The following ZIC4 variants were observed in gnomAD, a reference collection of about 807,000 sequenced individuals.
The protein encoded by ZIC4 is zinc finger protein ZIC 4.
A neutral mutation model predicts 28.8 loss-of-function variants in ZIC4; 15 were observed. The ratio of observed to expected loss-of-function variants is 0.52; its 90% CI spans 0.35 to 0.80. The LOEUF (loss-of-function observed/expected upper bound fraction) is 0.80, where lower values mean the gene tolerates loss of function less well. Ranked by LOEUF, ZIC4 falls within the 30% of genes least tolerant of loss-of-function variation. The pLI is 0.01. For missense variants in ZIC4, 512 were observed against 467.1 expected (o/e 1.10, Z -0.89); for synonymous variants, 220 against 198.1 (o/e 1.11, Z -0.93).
rs755850620 is a variant in ZIC4, at chr3:147,391,219, T to C, written c.716A>G (p.Glu239Gly). 1 of 1,601,504 alleles carries C rather than the reference T, an allele frequency of 6.2e-7. No individual in the cohort carries two copies. The highest frequency in any genetic ancestry group is 1.7e-5 in the Admixed American group (1 of 59,624). ...GTTGGCGAAGCGCCGCTCGCAGCCC[T>C]CGAACTCGCATCTGAAGGGCTTCTC... Reference protein sequence around the residue: ...TGEKPFRCEFEGCERRFANSS... With the variant: ...TGEKPFRCEFGGCERRFANSS... Residue 239 changes from glutamate (E) to glycine (G), a missense_variant, in exon 4 of 5, where the codon GAG (glutamate) becomes GGG (glycine). This residue lies in a region of ZIC4 where 58 missense variants were observed against 93.8 expected (regional missense o/e 0.62). Transcript: ENST00000383075.
chr3:147,400,987 G>GA (rs2087154585), intron 2 of ZIC4, among the ~76,000 whole-genome samples: 1 of 152,130 alleles, frequency 6.6e-6, no homozygotes, highest in African/African-American at 2.4e-5. Flanking sequence ...CATTTGTAGA[G>GA]AAAAAGAGTA....
intron 2 of ZIC4, among the ~76,000 whole-genome samples, chr3:147,398,315 C>G (rs1367770552): frequency 6.6e-6 from 1 of 152,208 alleles, no homozygotes; most frequent in African/African-American, 2.4e-5. Flanking sequence ...TCTGCTTCCT[C>G]CTACCTCGTC....
rs150448043 is a variant in ZIC4, at chr3:147,402,869, G to C, written c.-15-57C>G. ...GTTAAACAATTTTACACGTCTGTGT[G>C]GCAACATCCTGTGGTTTGAATGTAT... is the stretch of plus-strand genomic sequence containing the variant. On this transcript the variant is annotated intron_variant, in intron 1 of 4. Transcript: ENST00000383075. The C allele has an allele frequency of 2.6e-3, 3,718 of 1,425,818 alleles. 82 individuals carry two copies. In the Admixed American group the frequency reaches 0.035, roughly 13 times the overall value. The allele number at this position is 1,425,818 out of a possible 1,614,324, so 88.3% of individuals were successfully genotyped here. A position where few individuals can be genotyped will look rare whatever the true frequency, so the allele number is the denominator to read the frequency against.
chr3:147,396,611 A>G lies in ZIC4; in HGVS notation c.71-142T>C. ...GAACTCAGAGCCAGACAGCGCCAGC[A>G]GTGAACCCGGTGGACAGAGCAAGGC... On this transcript the variant is annotated intron_variant, in intron 2 of 4. Transcript: ENST00000383075. The surrounding 1 kb of genome is among the most constrained non-coding windows in gnomAD (Gnocchi z 4.2). 2 of 1,140,094 alleles carry G rather than the reference A, an allele frequency of 1.8e-6. No individual in the cohort carries two copies. 70.6% of individuals were successfully genotyped at this position (1,140,094 alleles called of 1,614,324 possible). A position where few individuals can be genotyped will look rare whatever the true frequency, so the allele number is the denominator to read the frequency against.
chr3:147,395,764 T>A (rs531201335), intron 3 of ZIC4, 88 bp downstream of exon 3: 1 of 1,517,122 alleles, frequency 6.6e-7, no homozygotes, highest in South Asian at 1.3e-5. Context: ...TATTTCCCCC[T>A]CCCCTCAGTT....
intron 1 of ZIC4, chr3:147,405,700 A>C (rs1306180839): frequency 1.7e-6 from 1 of 581,302 alleles, no homozygotes; most frequent in East Asian, 3.0e-5. Context: ...CGCAGAGAGC[A>C]GATCCCAGCA....
intron 3 of ZIC4, 142 bp downstream of exon 3, chr3:147,395,710 T>A: frequency 7.7e-7 from 1 of 1,302,392 alleles, no homozygotes; most frequent in East Asian, 2.3e-5. Flanking sequence ...TAGAAGCGCA[T>A]AATTAATATT....
At chr3:147,399,388 C>A (rs2087117903) in intron 2 of ZIC4, among the ~76,000 whole-genome samples, 1 of 152,198 alleles carries the variant, frequency 6.6e-6, no homozygotes, top group Non-Finnish European at 1.5e-5. Context: ...CTAGGCAACT[C>A]TGGACTGAAT....
At chr3:147,404,078 ATTCCTAC>A in intron 1 of ZIC4, 1 of 1,537,106 alleles carries the variant, frequency 6.5e-7, no homozygotes. Flanking sequence ...CTAACTTTGC[ATTCCTAC>A]AGAAGGGCGG....
intron 2 of ZIC4, among the ~76,000 whole-genome samples, chr3:147,400,292 C>A (rs2087138516): frequency 6.6e-6 from 1 of 152,192 alleles, no homozygotes; most frequent in Non-Finnish European, 1.5e-5. Flanking sequence ...TGCTAGCATA[C>A]TACACACTTT....
intron 3 of ZIC4, among the ~76,000 whole-genome samples, chr3:147,395,193 C>T (rs1257622442): frequency 1.3e-5 from 2 of 152,140 alleles, no homozygotes; most frequent in African/African-American, 4.8e-5. Flanking sequence ...GGCTCTTGAA[C>T]GATACTCCTT....
chr3:147,386,526 G>A lies in ZIC4; in HGVS notation c.*2333C>T, dbSNP rs2086800486. ...TGCAGCAACTATAATAACAGCATGGGTTACAGCTTGGAAAAACTTCTTTAC... is the reference window on the plus strand; with the variant it reads ...TGCAGCAACTATAATAACAGCATGGATTACAGCTTGGAAAAACTTCTTTAC... On this transcript the variant is annotated 3_prime_UTR_variant, in exon 5 of 5. Coordinates refer to ENST00000383075, the MANE Select transcript of ZIC4 (RefSeq NM_032153.6). The A allele has an allele frequency of 6.6e-6, 1 of 152,602 alleles. No homozygotes were observed. Among genetic ancestry groups the A allele is most frequent in the South Asian group, 2.1e-4 (1 of 4,822 alleles). The allele number at this position is 152,602 out of a possible 1,614,324, so 9.5% of individuals were successfully genotyped here. A position where few individuals can be genotyped will look rare whatever the true frequency, so the allele number is the denominator to read the frequency against.
intron 1 of ZIC4, chr3:147,404,328 A>C: frequency 7.6e-7 from 1 of 1,313,270 alleles, no homozygotes; most frequent in Non-Finnish European, 9.7e-7. Context: ...ACCCATAGAC[A>C]TGCAAACAAA....
chr3:147,396,434 C>G lies in ZIC4; in HGVS notation c.106G>C (p.Ala36Pro). The G allele has an allele frequency of 6.6e-7, 1 of 1,520,650 alleles. No homozygotes were observed. Among genetic ancestry groups the G allele is most frequent in the Non-Finnish European group, 8.8e-7 (1 of 1,138,206 alleles). The allele number at this position is 1,520,650 out of a possible 1,614,324, so 94.2% of individuals were successfully genotyped here. The change falls in exon 3 of 5, where the codon GCC (alanine) becomes CCC (proline). Residue 36 changes from alanine to proline, a missense_variant. Ala to Pro is a conservative substitution (Grantham distance 27). Around this residue, in one of 3 missense-constraint regions of ZIC4, gnomAD observed 310 missense variants for 256.5 expected, o/e 1.21. Transcript: ENST00000383075. This position sits in a 1 kb window ranked among gnomAD's most constrained non-coding sequence, Gnocchi z 4.2. ...SSGHHGPQLTAASSPSVFPGL... is the reference protein window; with the variant it reads ...SSGHHGPQLTPASSPSVFPGL... ...GGGAACACCGAGGGGCTGGAGGCGG[C>G]GGTGAGCTGGGGGCCATGGTGTCCA...
chr3:147,393,602 G>A (rs1009630379), intron 3 of ZIC4: 1 of 279,638 alleles, frequency 3.6e-6, no homozygotes, highest in Admixed American at 5.0e-5. Flanking sequence ...CGGGTCCGCC[G>A]AACAAAGTTC....
intron 1 of ZIC4, chr3:147,404,295 T>A: frequency 1.4e-6 from 2 of 1,414,810 alleles, no homozygotes; most frequent in Non-Finnish European, 1.8e-6. Flanking sequence ...TCCCAGGTCC[T>A]GTCAGCCTTT....
chr3:147,402,426 C>T (rs1398769465), intron 2 of ZIC4, among the ~76,000 whole-genome samples: 2 of 152,106 alleles, frequency 1.3e-5, no homozygotes, highest in African/African-American at 4.8e-5. Context: ...AGTGGAATTG[C>T]AGAAGGTCAG....
rs777969725 is a variant in ZIC4 at position 147,396,376 on chromosome 3, G to T, written c.164C>A (p.Pro55His). ...CAGGAGTCCATTCAAAGGACGGCTG[G>T]GGGAGGCCTGGGGAGGCTCCTCGTG... is the stretch of plus-strand genomic sequence containing the variant. ...GLHEEPPQAS[P>H]SRPLNGLLRL... Residue 55 changes from proline (P) to histidine (H), a missense_variant, in exon 3 of 5, where the codon CCC (proline) becomes CAC (histidine). Physicochemically the swap from Pro to His is moderately conservative, Grantham distance 77. Coordinates refer to ENST00000383075, the MANE Select transcript of ZIC4 (RefSeq NM_032153.6). The surrounding 1 kb of genome is among the most constrained non-coding windows in gnomAD (Gnocchi z 4.2). The T allele has an allele frequency of 1.3e-6, 2 of 1,531,010 alleles. No individual in the cohort carries two copies. The highest frequency in any genetic ancestry group is 1.3e-5 in the South Asian group (1 of 76,252). The allele number at this position is 1,531,010 out of a possible 1,614,324, so 94.8% of individuals were successfully genotyped here.
intron 3 of ZIC4, chr3:147,391,486 T>A (rs2086917856): frequency 4.5e-6 from 2 of 443,566 alleles, no homozygotes; most frequent in Non-Finnish European, 7.9e-6. Context: ...GGGGAGGGTA[T>A]GGAGGAGGAG....
Sources: allele counts gnomAD v4.1 joint callset (sites outside exome capture counted in the v4.1 genomes callset), GRCh38; gene constraint gnomAD v4.1.1; regional missense constraint gnomAD v4.1.1; non-coding constraint Gnocchi (gnomAD v3.1); transcripts MANE v1.5; gene names NCBI Gene and HGNC (gene_info 2026-07-23, HGNC 2026-07-21).